Variants in RBL1 observed in about 807,000 individuals in gnomAD.
RBL1 encodes the protein retinoblastoma-like protein 1.
Under a neutral mutation model 123.0 loss-of-function variants are expected in RBL1, and 82 were observed. The ratio of observed to expected loss-of-function variants is 0.67; its 90% CI spans 0.56 to 0.80. RBL1 has a LOEUF of 0.80. Among genes scored for constraint, RBL1 ranks in the 30% least tolerant of loss-of-function variants. The probability of loss-of-function intolerance (pLI) is 0.00; values close to 1 mark genes in which losing one functional copy is unlikely to be tolerated. For missense variants in RBL1, 1,171 were observed against 1,299.6 expected, an observed-to-expected ratio of 0.90 and a Z score of 1.52; for synonymous variants, 405 against 441.3, an observed-to-expected ratio of 0.92 and a Z score of 1.03.
rs779031311 is a variant in RBL1 at position 37,003,715 on chromosome 20, C to T, written c.3023G>A (p.Gly1008Asp). 6.2e-7 allele frequency: 1 copy of T among 1,609,550 alleles called. No homozygotes were observed. The highest frequency in any genetic ancestry group is 1.3e-5 in the African/African-American group (1 of 74,726). The change falls in exon 21 of 22, where the codon GGC (glycine) becomes GAC (aspartate). Residue 1008 changes from glycine (G) to aspartate (D), a missense_variant. Transcript: ENST00000373664. Reference sequence around the variant, plus strand: ...TATTCACCTTACCTTAGAAGGGCTGCCATTGAACTTGTACAGCAGAGCGCT... The same window carrying T: ...TATTCACCTTACCTTAGAAGGGCTGTCATTGAACTTGTACAGCAGAGCGCT... ...PRSALLYKFN[G>D]SPSKSLKDIN...
intron 2 of RBL1, among the ~76,000 whole-genome samples, chr20:37,070,610 G>A (rs1568880183): frequency 6.6e-6 from 1 of 152,140 alleles, no homozygotes; most frequent in East Asian, 1.9e-4. Flanking sequence ...CAGGTTAGGA[G>A]TAAAATTCAA....
chr20:37,053,237 T>C lies in RBL1; in HGVS notation c.1467+2316A>G, dbSNP rs903310799. Among the ~76,000 whole-genome samples, 4 of 152,218 alleles carry C rather than the reference T, an allele frequency of 2.6e-5. 1 individual carries two copies. In the South Asian group the frequency reaches 8.3e-4, roughly 31 times the overall value. ...AACAATAGCAGAATACAGCAGATCC[T>C]TGAATAACACCATTTCGCTCAACAC... On this transcript the variant is annotated intron_variant, in intron 11 of 21. Coordinates refer to ENST00000373664, the MANE Select transcript of RBL1 (RefSeq NM_002895.5).
In RBL1 at chr20:37,055,533, CAG is replaced by C. The variant is rs1433554065; in HGVS notation, c.1467+18_1467+19del. 6 of 1,613,728 alleles carry C rather than the reference CAG, an allele frequency of 3.7e-6. No individual in the cohort carries two copies. In the African/African-American group the frequency reaches 5.3e-5, roughly 14 times the overall value. On this transcript the variant is annotated intron_variant, in intron 11 of 21. Transcript: ENST00000373664. ...TGACTTTTGGACCTTGCCAGTAGCT[CAG>C]AGAGTGGATTTACTTACTGACATGT... is the stretch of plus-strand genomic sequence containing the variant.
At chr20:37,051,104 A>T (rs1001972191) in intron 11 of RBL1, among the ~76,000 whole-genome samples, 1 of 152,102 alleles carries the variant, frequency 6.6e-6, no homozygotes, top group African/African-American at 2.4e-5. Flanking sequence ...TACACAGCAT[A>T]CATACAATAC....
intron 21 of RBL1, among the ~76,000 whole-genome samples, chr20:37,000,897 G>A (rs2063964369): frequency 1.4e-5 from 2 of 139,620 alleles, no homozygotes; most frequent in South Asian, 2.3e-4. Context: ...GGAGGGAGGT[G>A]GGGGGGTCAG....
chr20:37,045,570 T>C (rs929087866), intron 12 of RBL1, among the ~76,000 whole-genome samples: 6 of 151,920 alleles, frequency 3.9e-5, no homozygotes, highest in African/African-American at 7.3e-5. Flanking sequence ...CTGGGCAACA[T>C]AGTGAAACCG....
At chr20:37,065,252 G>A (rs1180395576) in intron 7 of RBL1, among the ~76,000 whole-genome samples, 172 bp downstream of exon 7, 1 of 152,120 alleles carries the variant, frequency 6.6e-6, no homozygotes, top group East Asian at 1.9e-4. Flanking sequence ...TAAAATAAAT[G>A]TATTTAAAGC....
rs2064360398 is a variant in RBL1, at chr20:37,022,687, T to A, written c.2522A>T (p.Asp841Val). ...ATAAAAGGCACAAAGGAGGAGCTGA[T>A]CCAAATGCCTGTCTTTCATTAGATC... is the stretch of plus-strand genomic sequence containing the variant. ...CPDLMKDRHL[D>V]QLLLCAFYIM... Residue 841 changes from aspartate to valine, a missense_variant, in exon 17 of 22, where the codon GAT (aspartate) becomes GTT (valine). Physicochemically the swap from Asp to Val is radical, Grantham distance 152. Coordinates refer to ENST00000373664, the MANE Select transcript of RBL1 (RefSeq NM_002895.5). The A allele has an allele frequency of 3.1e-6, 5 of 1,613,178 alleles. No individual in the cohort carries two copies. The highest frequency in any genetic ancestry group is 3.4e-6 in the Non-Finnish European group (4 of 1,179,562).
At position 37,035,404 on chromosome 20, in the gene RBL1, G is replaced by A; in HGVS notation, c.2008C>T (p.Leu670Phe). The change falls in exon 15 of 22, where the codon CTT (leucine) becomes TTT (phenylalanine). Residue 670 changes from leucine (L) to phenylalanine (F), a missense_variant. By Grantham distance (22) the Leu-to-Phe change is conservative. Coordinates refer to ENST00000373664, the MANE Select transcript of RBL1 (RefSeq NM_002895.5). ...CCTTCTGTTATGATCTTGTCCATAA[G>A]CATTTCCTTTGGGGGGTCCTCTCCA... ...LFGEDPPKEM[L>F]MDKIITEGTK... 6.2e-7 allele frequency: 1 copy of A among 1,614,058 alleles called. No individual in the cohort carries two copies. Among genetic ancestry groups the A allele is most frequent in the African/African-American group, 1.3e-5 (1 of 75,002 alleles).
intron 16 of RBL1, among the ~76,000 whole-genome samples, chr20:37,025,237 T>C (rs190468105): frequency 2.0e-4 from 31 of 152,290 alleles, no homozygotes; most frequent in Admixed American, 6.5e-4. Flanking sequence ...TTGAAAATTC[T>C]GCCTGGGCAC....
intron 13 of RBL1, among the ~76,000 whole-genome samples, chr20:37,041,400 C>A (rs1389760133): frequency 6.6e-6 from 1 of 152,200 alleles, no homozygotes; most frequent in African/African-American, 2.4e-5. Flanking sequence ...CAGCTCACTG[C>A]AACCTCCGCC....
chr20:37,028,079 T>A (rs1174534507), intron 16 of RBL1, among the ~76,000 whole-genome samples: 1 of 152,084 alleles, frequency 6.6e-6, no homozygotes, highest in African/African-American at 2.4e-5. Context: ...AAATTATGAG[T>A]AACAGCTGGG....
chr20:37,064,914 C>T (rs566520191), intron 7 of RBL1, among the ~76,000 whole-genome samples: 1 of 152,002 alleles, frequency 6.6e-6, no homozygotes, highest in African/African-American at 2.4e-5. Context: ...GCGTGAGCCA[C>T]CATGCCCGGC....
At chr20:37,007,160 G>T (rs1036336515) in intron 20 of RBL1, among the ~76,000 whole-genome samples, 1 of 151,946 alleles carries the variant, frequency 6.6e-6, no homozygotes, top group African/African-American at 2.4e-5. Context: ...GGGGTGGGAG[G>T]ATCGCTTGAG....
At chr20:37,064,891 G>A (rs1218978301) in intron 7 of RBL1, among the ~76,000 whole-genome samples, 1 of 150,570 alleles carries the variant, frequency 6.6e-6, no homozygotes, top group Non-Finnish European at 1.5e-5. Context: ...CTCCCAAAGT[G>A]TTGGGATTAC....
chr20:37,061,155 T>C lies in RBL1; in HGVS notation c.1198A>G (p.Ile400Val). ...ATQSVSRLQS[I>V]VAGLKNAPSD... Reference sequence around the variant, plus strand: ...GGTGCATTTTTCAGACCAGCCACAATACTCTGTAACCGGCTCACACTTTGG... The same window carrying C: ...GGTGCATTTTTCAGACCAGCCACAACACTCTGTAACCGGCTCACACTTTGG... The change falls in exon 9 of 22, where the codon ATT (isoleucine) becomes GTT (valine). Residue 400 changes from isoleucine (I) to valine (V), a missense_variant. Transcript: ENST00000373664. The C allele has an allele frequency of 1.2e-6, 2 of 1,613,808 alleles. No individual in the cohort carries two copies. The highest frequency in any genetic ancestry group is 8.5e-7 in the Non-Finnish European group (1 of 1,179,772).
intron 7 of RBL1, among the ~76,000 whole-genome samples, chr20:37,063,241 A>C (rs1162364169): frequency 6.6e-6 from 1 of 151,356 alleles, no homozygotes; most frequent in Non-Finnish European, 1.5e-5. Flanking sequence ...CCATGCCCGG[A>C]TAGTTTTTGT....
chr20:37,082,015 G>C (rs1157985246), intron 2 of RBL1: 1 of 456,108 alleles, frequency 2.2e-6, no homozygotes, highest in Non-Finnish European at 4.4e-6. Flanking sequence ...AGGAGACATA[G>C]GGCAGCAGCA....
At chr20:37,042,907 C>CCCAA (rs1426087593) in intron 13 of RBL1, among the ~76,000 whole-genome samples, 1 of 53,320 alleles carries the variant, frequency 1.9e-5, no homozygotes, top group African/African-American at 8.4e-5. Context: ...CCCCCCCCTC[C>CCCAA]AAAAAAAAAA....
Sources: gnomAD v4.1 joint callset for allele counts (sites outside exome capture counted in the v4.1 genomes callset) on GRCh38, gnomAD v4.1.1 for gene constraint, MANE v1.5 for transcripts, NCBI Gene and HGNC (gene_info 2026-07-23, HGNC 2026-07-21) for gene names.